The following CNKSR2 variants were observed in gnomAD, a reference collection of about 807,000 sequenced individuals.
CNKSR2 encodes CNK homolog protein 2.
In CNKSR2, 14 loss-of-function variants were observed where a neutral mutation model predicts 84.4. The ratio of observed to expected loss-of-function variants is 0.17; its 90% CI spans 0.11 to 0.26. The LOEUF is 0.26. Ranked by LOEUF, CNKSR2 falls within the 10% of genes least tolerant of loss-of-function variation. CNKSR2 has a pLI of 1.00. For missense variants in CNKSR2, 485 were observed against 771.2 expected, an observed-to-expected ratio of 0.63 and a Z score of 4.40; for synonymous variants, 275 against 277.9, an observed-to-expected ratio of 0.99 and a Z score of 0.10.
At chrX:21,568,915 G>A (rs1016551670) in intron 13 of CNKSR2, among the ~76,000 whole-genome samples, 1 of 111,367 alleles carries the variant, frequency 9.0e-6, no homozygotes, top group African/African-American at 3.3e-5. Flanking sequence ...AACAACAGTT[G>A]TATAGTGGCA....
At chrX:21,388,461 T>C (rs1278941370) in intron 1 of CNKSR2, among the ~76,000 whole-genome samples, 1 of 111,622 alleles carries the variant, frequency 9.0e-6, no homozygotes, top group Non-Finnish European at 1.9e-5. Flanking sequence ...ATAGGGAATA[T>C]GCGAGAAGAG....
chrX:21,391,284 C>A (rs1405571904), intron 1 of CNKSR2, among the ~76,000 whole-genome samples: 1 of 112,763 alleles, frequency 8.9e-6, no homozygotes, highest in Non-Finnish European at 1.9e-5. Context: ...CACATTTCCC[C>A]CCCACATTGC....
At chrX:21,646,118 G>C (rs111753960) in intron 20 of CNKSR2, among the ~76,000 whole-genome samples, 2,462 of 111,372 alleles carry the variant, frequency 0.022, 35 homozygotes, top group Non-Finnish European at 0.03. Context: ...CTTGTGTAGT[G>C]TATGTGTATG....
intron 8 of CNKSR2, among the ~76,000 whole-genome samples, chrX:21,507,490 A>G (rs1425225391): frequency 9.0e-6 from 1 of 111,578 alleles, no homozygotes; most frequent in East Asian, 2.8e-4. Context: ...CAGTGAAAAT[A>G]CAGCCATTAC....
chrX:21,621,388 C>T (rs1056244827), intron 20 of CNKSR2, among the ~76,000 whole-genome samples: 1 of 111,280 alleles, frequency 9.0e-6, no homozygotes, highest in African/African-American at 3.3e-5. Flanking sequence ...TTTAATGTCT[C>T]ATGTTTCACC....
intron 4 of CNKSR2, among the ~76,000 whole-genome samples, chrX:21,446,475 A>G (rs1216099494): frequency 9.0e-6 from 1 of 111,126 alleles, no homozygotes; most frequent in Non-Finnish European, 1.9e-5. Context: ...AAGAGATAAG[A>G]GTGATGACAT....
intron 6 of CNKSR2, chrX:21,491,367 A>C (rs748909722): frequency 8.9e-6 from 1 of 112,300 alleles, no homozygotes; most frequent in Non-Finnish European, 1.9e-5. Context: ...TTTACCAATT[A>C]ATGATATTTT....
chrX:21,495,405 A>C (rs773341414), intron 6 of CNKSR2: 3 of 111,669 alleles, frequency 2.7e-5, no homozygotes, highest in Non-Finnish European at 3.8e-5. Flanking sequence ...ATAATGATGG[A>C]TGATAATTAT....
At position 21,590,616 on chromosome X, in the gene CNKSR2, C is replaced by T; in HGVS notation, c.1653C>T (p.Asn551=). Residue 551 remains asparagine, a synonymous_variant, in exon 14 of 22, where the codon AAC becomes AAT. Coordinates refer to ENST00000379510, the MANE Select transcript of CNKSR2 (RefSeq NM_014927.5). ...SSLQHKSKKK[N]KGPIAGKSKR... is the part of the protein sequence containing the mutation. ...TGCAGCACAAATCAAAGAAGAAAAA[C>T]AAAGGTAAGAAAAGGAAATGAAACC... 8.3e-7 allele frequency: 1 copy of T among 1,207,600 alleles called. No individual in the cohort carries two copies. The highest frequency in any genetic ancestry group is 1.1e-6 in the Non-Finnish European group (1 of 892,663).
rs1377059161 is a variant in CNKSR2, at chrX:21,531,097, G to C, written c.1092-759G>C. ...AATATGTCTTTTTACTCTTAAATGA[G>C]ATACGTAGAGTTTGAATACTGAGAA... On this transcript the variant is annotated intron_variant, in intron 10 of 21. Coordinates refer to ENST00000379510, the MANE Select transcript of CNKSR2 (RefSeq NM_014927.5). Among the ~76,000 whole-genome samples the C allele has an allele frequency of 2.7e-5, 3 of 110,711 alleles. No homozygotes were observed. In the Admixed American group the frequency reaches 2.9e-4, roughly 11 times the overall value.
At chrX:21,391,514 C>T (rs1035415218) in intron 1 of CNKSR2, among the ~76,000 whole-genome samples, 3 of 111,954 alleles carry the variant, frequency 2.7e-5, no homozygotes, top group Non-Finnish European at 5.6e-5. Flanking sequence ...TCCTTTTAGC[C>T]GCAGCTGGAG....
At chrX:21,459,875 A>G (rs777191719) in intron 4 of CNKSR2, among the ~76,000 whole-genome samples, 22 of 111,496 alleles carry the variant, frequency 2.0e-4, no homozygotes, top group Admixed American at 1.8e-3. Flanking sequence ...CCATTATTAA[A>G]TTAAAACTGA....
At chrX:21,591,390 A>C in intron 15 of CNKSR2, 196 bp downstream of exon 15, 2 of 285,364 alleles carry the variant, frequency 7.0e-6, no homozygotes, top group East Asian at 1.1e-4. Context: ...AATTATGCTA[A>C]TGTAGCAACA....
At chrX:21,529,736 C>T (rs2147119794) in intron 10 of CNKSR2, among the ~76,000 whole-genome samples, 1 of 110,675 alleles carries the variant, frequency 9.0e-6, no homozygotes, top group Non-Finnish European at 1.9e-5. Context: ...TGTATCTACT[C>T]ATTCTACTGA....
chrX:21,431,766 A>G (rs2147065853), intron 2 of CNKSR2, among the ~76,000 whole-genome samples: 1 of 112,053 alleles, frequency 8.9e-6, no homozygotes, highest in Admixed American at 9.5e-5. Flanking sequence ...CTATTTGAAG[A>G]TAGTAAAAAG....
chrX:21,388,962 G>T (rs866335774), intron 1 of CNKSR2, among the ~76,000 whole-genome samples: 2 of 109,123 alleles, frequency 1.8e-5, no homozygotes, highest in Non-Finnish European at 3.8e-5. Context: ...CCCATGATAC[G>T]ATGTGATATG....
At chrX:21,532,281 G>A (rs1206259453) in intron 11 of CNKSR2, 10 of 281,147 alleles carry the variant, frequency 3.6e-5, no homozygotes, top group Non-Finnish European at 6.2e-5. Flanking sequence ...AGAAAGAACA[G>A]TAGGTAACAT....
At chrX:21,588,831 T>C (rs2147245690) in intron 13 of CNKSR2, among the ~76,000 whole-genome samples, 1 of 111,572 alleles carries the variant, frequency 9.0e-6, no homozygotes, top group African/African-American at 3.2e-5. Flanking sequence ...CCTCCATCTT[T>C]GTCATTTTTC....
chrX:21,611,742 T>G (rs947957344), intron 20 of CNKSR2, among the ~76,000 whole-genome samples: 11 of 111,931 alleles, frequency 9.8e-5, no homozygotes, highest in African/African-American at 3.3e-4. Context: ...TCTTTTTCAG[T>G]GGGCTCTCTG....
Sources: allele counts gnomAD v4.1 joint callset (sites outside exome capture counted in the v4.1 genomes callset), GRCh38; gene constraint gnomAD v4.1.1; transcripts MANE v1.5; gene names NCBI Gene and HGNC (gene_info 2026-07-23, HGNC 2026-07-21).